Variants in RAPGEF5 observed in about 807,000 individuals in gnomAD.
RAPGEF5 encodes the protein Rap guanine nucleotide exchange factor 5, also known as M-Ras-regulated GEF.
In RAPGEF5, 65 loss-of-function variants were observed where a neutral mutation model predicts 125.2. That is an observed-to-expected ratio of 0.52 (90% CI 0.43 to 0.64). RAPGEF5 has a LOEUF of 0.64. RAPGEF5 is among the 30% of genes least tolerant of loss of function. RAPGEF5 has a pLI of 0.00. For synonymous variants in RAPGEF5, 391 were observed against 385.9 expected, an observed-to-expected ratio of 1.01 and a Z score of -0.16; for missense variants, 958 against 1,048.1, an observed-to-expected ratio of 0.91 and a Z score of 1.19.
intron 1 of RAPGEF5, 99 bp from the exon 2 acceptor site, chr7:22,318,136 ATG>A: frequency 9.5e-7 from 1 of 1,057,280 alleles, no homozygotes; most frequent in Non-Finnish European, 1.3e-6. Context: ...GGCCTCTGCT[ATG>A]AAAAAAAAAA....
chr7:22,277,210 T>A (rs938874296), intron 6 of RAPGEF5, among the ~76,000 whole-genome samples: 1 of 152,228 alleles, frequency 6.6e-6, no homozygotes, highest in Non-Finnish European at 1.5e-5. Context: ...AAGGACAGAC[T>A]TCAGGTTTCA....
intron 9 of RAPGEF5, among the ~76,000 whole-genome samples, chr7:22,217,491 G>T (rs1163941174): frequency 6.6e-6 from 1 of 152,170 alleles, no homozygotes; most frequent in Admixed American, 6.5e-5. Context: ...TTAGCAGGTG[G>T]TTTTTATTCC....
chr7:22,195,374 T>C (rs948584689), intron 9 of RAPGEF5, among the ~76,000 whole-genome samples: 1 of 152,200 alleles, frequency 6.6e-6, no homozygotes, highest in African/African-American at 2.4e-5. Context: ...GAAAATGCAA[T>C]AAGCTAATAA....
intron 19 of RAPGEF5, 43 bp downstream of exon 19, chr7:22,146,854 G>A: frequency 6.3e-7 from 1 of 1,589,980 alleles, no homozygotes; most frequent in Non-Finnish European, 8.6e-7. Flanking sequence ...AGAATTCACA[G>A]TTAAAACAGC....
At chr7:22,356,134 C>T in intron 1 of RAPGEF5, 2 of 985,384 alleles carry the variant, frequency 2.0e-6, no homozygotes, top group Non-Finnish European at 2.4e-6. Flanking sequence ...CATGCCTGAC[C>T]TGCTCAGGTC....
Position 22,246,332 on chromosome 7 carries a change from A to G in RAPGEF5, c.797-15413T>C, listed in dbSNP as rs564688472. ...ATATTCACTGACTTCAAACTATATT[A>G]TAAGGCTACAGTTACCAAAACAGCA... is the stretch of plus-strand genomic sequence containing the variant. On this transcript the variant is annotated intron_variant, in intron 7 of 25. Transcript: ENST00000665637. Among the ~76,000 whole-genome samples, 4 of 152,354 alleles carry G rather than the reference A, an allele frequency of 2.6e-5. No individual in the cohort carries two copies. The South Asian group carries it at 8.3e-4, about 32-fold the overall frequency.
rs1438005881 is a variant in RAPGEF5 at position 22,310,159 on chromosome 7, T to TA, written c.390-70dup. 4 of 1,374,170 alleles carry TA rather than the reference T, an allele frequency of 2.9e-6. No individual in the cohort carries two copies. In the Admixed American group the frequency reaches 1.5e-4, roughly 51 times the overall value. The allele number at this position is 1,374,170 out of a possible 1,614,324, so 85.1% of individuals were successfully genotyped here. On this transcript the variant is annotated intron_variant, in intron 3 of 25. Transcript: ENST00000665637. Reference sequence around the variant, plus strand: ...CCGTTTGCCAAAAAAACAAAAATGATATATAATACCTTTCCTTTCATGTGC... The same window carrying TA: ...CCGTTTGCCAAAAAAACAAAAATGATAATATAATACCTTTCCTTTCATGTGC...
At chr7:22,193,549 T>C in intron 10 of RAPGEF5, 94 bp from the exon 11 acceptor site, 1 of 1,551,964 alleles carries the variant, frequency 6.4e-7, no homozygotes, top group Non-Finnish European at 8.7e-7. Context: ...GTCGATGTAT[T>C]TGAAATAAGG....
Position 22,273,363 on chromosome 7 carries a change from C to T in RAPGEF5, c.748-6351G>A, listed in dbSNP as rs1377643389. Among the ~76,000 whole-genome samples the T allele has an allele frequency of 5.9e-5, 9 of 151,878 alleles. No homozygotes were observed. In the South Asian group the frequency reaches 1.7e-3, roughly 28 times the overall value. ...CCTCCTGAGTAGCTGGGACTACAGG[C>T]GCCCACCACCGCGCCCGGCTAATTT... On this transcript the variant is annotated intron_variant, in intron 6 of 25. Coordinates refer to ENST00000665637, the MANE Select transcript of RAPGEF5 (RefSeq NM_012294.5).
chr7:22,233,993 T>C (rs577255910), intron 7 of RAPGEF5, among the ~76,000 whole-genome samples: 1 of 152,338 alleles, frequency 6.6e-6, no homozygotes, highest in South Asian at 2.1e-4. Flanking sequence ...CTCAAAGTTC[T>C]GCTGGACTCA....
At chr7:22,266,421 C>G (rs1782283800) in intron 7 of RAPGEF5, among the ~76,000 whole-genome samples, 1 of 152,082 alleles carries the variant, frequency 6.6e-6, no homozygotes, top group Non-Finnish European at 1.5e-5. Context: ...TATTTGAAAG[C>G]CCCCTTTTCC....
intron 5 of RAPGEF5, among the ~76,000 whole-genome samples, chr7:22,306,219 T>G (rs1397005273): frequency 6.6e-6 from 1 of 152,220 alleles, no homozygotes; most frequent in Non-Finnish European, 1.5e-5. Context: ...TTGTAATTGC[T>G]GTCTTTTGAA....
rs114118668 is a variant in RAPGEF5 at position 22,175,855 on chromosome 7, C to T, written c.1205-8707G>A. ...TTGTAATGTTTTTACCTCTCAAGCA[C>T]CAAAAGGTTCTGTATTATGAACTTT... On this transcript the variant is annotated intron_variant, in intron 11 of 25. Transcript: ENST00000665637. 7.2e-3 allele frequency among the ~76,000 whole-genome samples: 1,090 copies of T among 152,280 alleles called. 14 individuals carry two copies. The highest frequency in any genetic ancestry group is 0.024 in the African/African-American group (1,018 of 41,558).
In RAPGEF5 at chr7:22,298,019, A is replaced by G. The variant is rs181222929; in HGVS notation, c.681-6778T>C. On this transcript the variant is annotated intron_variant, in intron 5 of 25. Coordinates refer to ENST00000665637, the MANE Select transcript of RAPGEF5 (RefSeq NM_012294.5). The stretch of plus-strand genomic sequence containing the variant: ...ATAAAATTTATCATATAATTTGTCT[A>G]TTTTTAGCTTGTGAATATGGTGAAT... 6.5e-3 allele frequency among the ~76,000 whole-genome samples: 990 copies of G among 152,106 alleles called. 12 individuals are homozygous for G. The highest frequency in any genetic ancestry group is 7.7e-3 in the Non-Finnish European group (524 of 67,984).
At position 22,146,960 on chromosome 7, in the gene RAPGEF5, G is replaced by A. The variant is rs746866711; in HGVS notation, c.1944C>T (p.Asn648=). The change falls in exon 19 of 26, where the codon AAC becomes AAT. Residue 648 remains asparagine (N), a synonymous_variant. Transcript: ENST00000665637. ...QQRSMRILGM[N]TWDLALELMN... ...TTAATTCCAGAGCAAGATCCCAAGT[G>A]TTCATTCCCAAAATCCTCATCGACC... 6.2e-6 allele frequency: 10 copies of A among 1,613,728 alleles called. No homozygotes were observed. Among genetic ancestry groups the A allele is most frequent in the South Asian group, 1.1e-5 (1 of 91,050 alleles).
chr7:22,221,618 T>G (rs745821479), intron 8 of RAPGEF5, among the ~76,000 whole-genome samples: 4 of 152,128 alleles, frequency 2.6e-5, no homozygotes, highest in Non-Finnish European at 5.9e-5. Flanking sequence ...TAGTATTGAA[T>G]AAGTCTCATG....
intron 6 of RAPGEF5, among the ~76,000 whole-genome samples, chr7:22,270,057 T>C (rs1782382348): frequency 6.6e-6 from 1 of 152,124 alleles, no homozygotes; most frequent in African/African-American, 2.4e-5. Flanking sequence ...GTGGGGGAAT[T>C]TATCTTAAAC....
chr7:22,125,267 G>C (rs1782701003), intron 25 of RAPGEF5: 4 of 226,512 alleles, frequency 1.8e-5, no homozygotes, highest in Admixed American at 1.6e-4. Flanking sequence ...AAACTCACCA[G>C]TGATTTTGAG....
rs370321205 is a variant in RAPGEF5 at position 22,193,888 on chromosome 7, C to A, written c.1115+27G>T. ...AGGGAAAAGGAAACGGGAGCGCGTG[C>A]CTCTGTGGCTGCAGGGAAACTCTCA... On this transcript the variant is annotated intron_variant, in intron 10 of 25. Transcript: ENST00000665637. The A allele has an allele frequency of 1.9e-4, 303 of 1,612,424 alleles. 3 individuals carry two copies. The highest frequency in any genetic ancestry group is 2.7e-5 in the African/African-American group (2 of 74,902).
Sources: gnomAD v4.1 joint callset for allele counts (sites outside exome capture counted in the v4.1 genomes callset) on GRCh38, gnomAD v4.1.1 for gene constraint, MANE v1.5 for transcripts, NCBI Gene and HGNC (gene_info 2026-07-23, HGNC 2026-07-21) for gene names.